The following GMFB variants were observed in gnomAD, a reference collection of about 807,000 sequenced individuals.
GMFB encodes the protein GMF-beta.
In GMFB, 13 loss-of-function variants were observed where a neutral mutation model predicts 25.6. That is an observed-to-expected ratio of 0.51 (90% CI 0.33 to 0.81). GMFB has a LOEUF of 0.81. Among genes scored for constraint, GMFB ranks in the 30% least tolerant of loss-of-function variants. The pLI is 0.02. For missense variants in GMFB, 146 were observed against 175.4 expected, an observed-to-expected ratio of 0.83 and a Z score of 0.95; for synonymous variants, 57 against 56.9, an observed-to-expected ratio of 1.00 and a Z score of 0.00.
intron 4 of GMFB, 190 bp downstream of exon 4, chr14:54,481,219 T>G (rs558838905): frequency 8.6e-5 from 50 of 584,076 alleles, no homozygotes; most frequent in African/African-American, 8.2e-4. Context: ...GAAATAGTTT[T>G]AAAAAGAAAA....
intron 1 of GMFB, among the ~76,000 whole-genome samples, chr14:54,485,214 T>G (rs1212808840): frequency 6.6e-6 from 1 of 151,616 alleles, no homozygotes; most frequent in African/African-American, 2.4e-5. Context: ...ACATCCAAGT[T>G]AGAAAAAAAG....
chr14:54,478,040 G>T lies in GMFB; in HGVS notation c.*48C>A. On this transcript the variant is annotated 3_prime_UTR_variant, in exon 7 of 7. Coordinates refer to ENST00000358056, the MANE Select transcript of GMFB (RefSeq NM_004124.3). ...AAATAAGTATTTATGTCTGATTCCA[G>T]TATGGTCAGGTTAATACATAAATAC... 2 of 762,714 alleles carry T rather than the reference G, an allele frequency of 2.6e-6. No homozygotes were observed. The highest frequency in any genetic ancestry group is 4.2e-6 in the Non-Finnish European group (2 of 472,434). 47.2% of individuals were successfully genotyped at this position (762,714 alleles called of 1,614,324 possible).
intron 5 of GMFB, 183 bp from the exon 6 acceptor site, chr14:54,480,042 T>C (rs1440623532): frequency 6.2e-6 from 3 of 486,072 alleles, no homozygotes; most frequent in African/African-American, 2.0e-5. Context: ...ACAGTTAAGT[T>C]ATAAATAAAC....
rs189749988 is a variant in GMFB, at chr14:54,476,865, T to C, written c.*1223A>G. ...TGTTCAATGGTTACTTATGTATTTGTTTTTACAAGTATGCCAAATATCAGA... is the reference window on the plus strand; with the variant it reads ...TGTTCAATGGTTACTTATGTATTTGCTTTTACAAGTATGCCAAATATCAGA... On this transcript the variant is annotated 3_prime_UTR_variant, in exon 7 of 7. Transcript: ENST00000358056. 2 of 152,148 alleles carry C rather than the reference T, an allele frequency of 1.3e-5. No individual in the cohort carries two copies. The highest frequency in any genetic ancestry group is 3.9e-4 in the East Asian group (2 of 5,194). 9.4% of individuals were successfully genotyped at this position (152,148 alleles called of 1,614,324 possible). A position where few individuals can be genotyped will look rare whatever the true frequency, so the allele number is the denominator to read the frequency against.
At position 54,477,575 on chromosome 14, in the gene GMFB, T is replaced by A. The variant is rs971050042; in HGVS notation, c.*513A>T. The A allele has an allele frequency of 1.3e-5, 2 of 152,068 alleles. No homozygotes were observed. The highest frequency in any genetic ancestry group is 1.3e-4 in the Admixed American group (2 of 15,266). The allele number at this position is 152,068 out of a possible 1,614,324, so 9.4% of individuals were successfully genotyped here. ...AAAAGATACAGGAAACCAAAGAAGA[T>A]ACAGAATTCATCAATGTACTTGTAA... is the stretch of plus-strand genomic sequence containing the variant. On this transcript the variant is annotated 3_prime_UTR_variant, in exon 7 of 7. Transcript: ENST00000358056.
At chr14:54,488,632 CAGA>C in intron 1 of GMFB, 1 of 392,064 alleles carries the variant, frequency 2.6e-6, no homozygotes, top group Non-Finnish European at 4.6e-6. Flanking sequence ...GCCCTCCAAC[CAGA>C]AGGACCTGGC....
intron 1 of GMFB, among the ~76,000 whole-genome samples, chr14:54,487,394 G>T (rs184712935): frequency 2.0e-5 from 3 of 152,352 alleles, no homozygotes; most frequent in Admixed American, 1.3e-4. Context: ...AATTAGCCGG[G>T]TGTGGTGGCG....
intron 1 of GMFB, 54 bp downstream of exon 1, chr14:54,488,871 C>T: frequency 1.3e-6 from 2 of 1,511,172 alleles, no homozygotes; most frequent in Non-Finnish European, 1.8e-6. Flanking sequence ...CGGGAAAACC[C>T]GGCTGGCCGG....
At chr14:54,488,254 G>A (rs1351856604) in intron 1 of GMFB, among the ~76,000 whole-genome samples, 1 of 152,106 alleles carries the variant, frequency 6.6e-6, no homozygotes, top group Non-Finnish European at 1.5e-5. Flanking sequence ...TTATGCTTGG[G>A]GTCCATCCCA....
intron 1 of GMFB, among the ~76,000 whole-genome samples, chr14:54,486,507 C>T (rs1304492029): frequency 6.6e-6 from 1 of 152,154 alleles, no homozygotes; most frequent in East Asian, 1.9e-4. Context: ...AAGAAAACAA[C>T]GAGTGAAGAG....
intron 1 of GMFB, among the ~76,000 whole-genome samples, chr14:54,487,779 T>A (rs2031808180): frequency 6.6e-6 from 1 of 152,142 alleles, no homozygotes; most frequent in Non-Finnish European, 1.5e-5. Context: ...AGCTGTAAAT[T>A]CACAAGTCAT....
intron 1 of GMFB, among the ~76,000 whole-genome samples, chr14:54,486,776 A>G (rs1462503522): frequency 6.6e-6 from 1 of 151,738 alleles, no homozygotes; most frequent in Non-Finnish European, 1.5e-5. Context: ...TAGAGAGGTT[A>G]AGTATCTTTC....
chr14:54,482,146 A>G lies in GMFB; in HGVS notation c.150+7T>C, dbSNP rs927464607. 4 of 1,558,832 alleles carry G rather than the reference A, an allele frequency of 2.6e-6. No individual in the cohort carries two copies. The African/African-American group carries it at 5.4e-5, about 21-fold the overall frequency. On this transcript the variant is annotated splice_region_variant and intron_variant, in intron 3 of 6. Coordinates refer to ENST00000358056, the MANE Select transcript of GMFB (RefSeq NM_004124.3). ...CTATAAAATTGTATTTAGTTCATTGAACAAACCTCAAGCTCCTCATCCAGT... is the reference window on the plus strand; with the variant it reads ...CTATAAAATTGTATTTAGTTCATTGGACAAACCTCAAGCTCCTCATCCAGT...
In GMFB at chr14:54,479,642, T is replaced by A. The variant is rs2031684377; in HGVS notation, c.357+144A>T. The A allele has an allele frequency of 7.6e-6, 4 of 526,732 alleles. No individual in the cohort carries two copies. In the East Asian group the frequency reaches 1.2e-4, roughly 16 times the overall value. The allele number at this position is 526,732 out of a possible 1,614,324, so 32.6% of individuals were successfully genotyped here. A position where few individuals can be genotyped will look rare whatever the true frequency, so the allele number is the denominator to read the frequency against. On this transcript the variant is annotated intron_variant, in intron 6 of 6. Transcript: ENST00000358056. ...GCTTCTATCTCATTCTATTTCCAGT[T>A]AACAAAAAGCTTTGGCTAACTTACT...
chr14:54,488,850 G>A (rs1303894727), intron 1 of GMFB, 75 bp downstream of exon 1: 6 of 1,341,698 alleles, frequency 4.5e-6, no homozygotes, highest in Admixed American at 2.2e-5. Flanking sequence ...GCCGCCGCCG[G>A]CTCCGGAAAC....
At position 54,475,838 on chromosome 14, in the gene GMFB, AT is replaced by A. The variant is rs1378328019; in HGVS notation, c.*2249del. 6.6e-6 allele frequency: 1 copy of A among 152,328 alleles called. No homozygotes were observed. The highest frequency in any genetic ancestry group is 2.4e-5 in the African/African-American group (1 of 41,462). The allele number at this position is 152,328 out of a possible 1,614,324, so 9.4% of individuals were successfully genotyped here. On this transcript the variant is annotated 3_prime_UTR_variant, in exon 7 of 7. Transcript: ENST00000358056. ...GACTCAGATTTAAGGCTGAATGGGAATGGTTGTACCAGAAAGATAACGGAAT... is the reference window on the plus strand; with the variant it reads ...GACTCAGATTTAAGGCTGAATGGGAAGGTTGTACCAGAAAGATAACGGAAT...
chr14:54,487,394 G>C (rs184712935), intron 1 of GMFB, among the ~76,000 whole-genome samples: 22 of 152,234 alleles, frequency 1.4e-4, no homozygotes, highest in African/African-American at 5.1e-4. Flanking sequence ...AATTAGCCGG[G>C]TGTGGTGGCG....
Position 54,477,524 on chromosome 14 carries a change from AT to A in GMFB, c.*563del, listed in dbSNP as rs2031656112. On this transcript the variant is annotated 3_prime_UTR_variant, in exon 7 of 7. Coordinates refer to ENST00000358056, the MANE Select transcript of GMFB (RefSeq NM_004124.3). ...TCCCGACCTTAAAAATGAGTGACTGATGAACATAGTTTCTAGACTTGATTAA... is the reference window on the plus strand; with the variant it reads ...TCCCGACCTTAAAAATGAGTGACTGAGAACATAGTTTCTAGACTTGATTAA... 1 of 152,082 alleles carries A rather than the reference AT, an allele frequency of 6.6e-6. No individual in the cohort carries two copies. The highest frequency in any genetic ancestry group is 2.4e-5 in the African/African-American group (1 of 41,440). The allele number at this position is 152,082 out of a possible 1,614,324, so 9.4% of individuals were successfully genotyped here. A position where few individuals can be genotyped will look rare whatever the true frequency, so the allele number is the denominator to read the frequency against.
chr14:54,486,871 G>A (rs2031789509), intron 1 of GMFB, among the ~76,000 whole-genome samples: 2 of 127,430 alleles, frequency 1.6e-5, no homozygotes, highest in Admixed American at 1.8e-4. Context: ...AGGAGGTGGT[G>A]ACAGATTGGA....
Sources: gnomAD v4.1 joint callset for allele counts (sites outside exome capture counted in the v4.1 genomes callset) on GRCh38, gnomAD v4.1.1 for gene constraint, MANE v1.5 for transcripts, NCBI Gene and HGNC (gene_info 2026-07-23, HGNC 2026-07-21) for gene names.